PCDHA4: variants seen among roughly 807,000 people sequenced by gnomAD.
The protein encoded by PCDHA4 is protocadherin alpha 4.
Under a neutral mutation model 61.4 loss-of-function variants are expected in PCDHA4, and 49 were observed. That is an observed-to-expected ratio of 0.80 (90% CI 0.63 to 1.01). The LOEUF is 1.01. Ranked by LOEUF, PCDHA4 falls within the 50% of genes least tolerant of loss-of-function variation. PCDHA4 has a pLI of 0.00. For synonymous variants in PCDHA4, 590 were observed against 550.3 expected, an observed-to-expected ratio of 1.07 and a Z score of -1.01; for missense variants, 1,254 against 1,235.8, an observed-to-expected ratio of 1.01 and a Z score of -0.22.
intron 1 of PCDHA4, chr5:140,877,258 G>T (rs1206242754): frequency 1.9e-6 from 3 of 1,613,662 alleles, no homozygotes; most frequent in Non-Finnish European, 2.5e-6. Context: ...GAAAGTGCGC[G>T]CGGTGGACGC....
At chr5:140,884,128 C>A (rs1554181251) in intron 1 of PCDHA4, 1 of 1,613,308 alleles carries the variant, frequency 6.2e-7, no homozygotes, top group Non-Finnish European at 8.5e-7. Flanking sequence ...GCGCGCGCAT[C>A]CCGTTCCGCG....
At chr5:140,863,377 G>T (rs782482597) in intron 1 of PCDHA4, 6 of 1,100,624 alleles carry the variant, frequency 5.5e-6, no homozygotes, top group Non-Finnish European at 7.9e-6. Context: ...GCAGCTCACC[G>T]AGAGCTCGTG....
chr5:140,845,861 C>T (rs1050084373), intron 1 of PCDHA4, among the ~76,000 whole-genome samples: 4 of 149,638 alleles, frequency 2.7e-5, no homozygotes, highest in Middle Eastern at 3.5e-3. Context: ...TTAGTGATTG[C>T]AGAAAGGCAA....
intron 1 of PCDHA4, chr5:140,859,685 A>AT (rs1250609126): frequency 6.5e-6 from 1 of 154,692 alleles, no homozygotes; most frequent in Admixed American, 6.4e-5. Context: ...TAAAATTAAA[A>AT]TTATTGTTCA....
At chr5:140,918,007 G>C (rs1313004826) in intron 1 of PCDHA4, among the ~76,000 whole-genome samples, 1 of 151,954 alleles carries the variant, frequency 6.6e-6, no homozygotes, top group Non-Finnish European at 1.5e-5. Context: ...TAACAATGTT[G>C]TTTCTTCCTA....
chr5:140,904,150 C>A (rs1005130566), intron 1 of PCDHA4, among the ~76,000 whole-genome samples: 1 of 152,036 alleles, frequency 6.6e-6, no homozygotes, highest in African/African-American at 2.4e-5. Flanking sequence ...GTATACATTG[C>A]ACCCAGTTTG....
intron 1 of PCDHA4, among the ~76,000 whole-genome samples, chr5:140,900,150 C>T (rs265315): frequency 0.046 from 7,055 of 152,208 alleles, 291 homozygotes; most frequent in African/African-American, 0.11. Context: ...TAAGAACATA[C>T]GATATTTGTC....
chr5:140,869,499 G>A, intron 1 of PCDHA4: 8 of 1,614,196 alleles, frequency 5.0e-6, no homozygotes, highest in Non-Finnish European at 5.9e-6. Context: ...ACCCGCCGGT[G>A]TTCTCGCTCA....
intron 1 of PCDHA4, chr5:140,875,367 T>G: frequency 6.9e-7 from 1 of 1,449,166 alleles, no homozygotes; most frequent in Non-Finnish European, 9.1e-7. Flanking sequence ...CTGGAAAAAA[T>G]TTACTAAATA....
chr5:140,917,378 A>G (rs532934226), intron 1 of PCDHA4, among the ~76,000 whole-genome samples: 4 of 150,894 alleles, frequency 2.7e-5, no homozygotes, highest in South Asian at 2.1e-4. Context: ...CTCCACCTCA[A>G]TAGTCTGATG....
chr5:140,871,278 G>T (rs782014542), intron 1 of PCDHA4: 3 of 1,613,918 alleles, frequency 1.9e-6, no homozygotes, highest in East Asian at 4.5e-5. Flanking sequence ...GGTCGGCAAC[G>T]CCCACTGAGG....
At chr5:140,835,603 T>G (rs2150239266) in intron 1 of PCDHA4, 10 of 1,613,804 alleles carry the variant, frequency 6.2e-6, no homozygotes, top group Non-Finnish European at 1.7e-6. Context: ...TACTATTCAT[T>G]GGTGCTGGAC....
chr5:140,933,902 A>C (rs1285587221), intron 1 of PCDHA4, among the ~76,000 whole-genome samples: 2 of 151,892 alleles, frequency 1.3e-5, no homozygotes, highest in African/African-American at 2.4e-5. Flanking sequence ...ATATTTTGGC[A>C]TAAAGTTGTT....
intron 1 of PCDHA4, among the ~76,000 whole-genome samples, chr5:140,899,542 G>A (rs2067394532): frequency 6.6e-6 from 1 of 152,156 alleles, no homozygotes; most frequent in Non-Finnish European, 1.5e-5. Flanking sequence ...ACTTGATCAT[G>A]GTGGATAAGC....
At position 140,808,458 on chromosome 5, in the gene PCDHA4, T is replaced by G. The variant is rs1764176354; in HGVS notation, c.1271T>G (p.Val424Gly). Residue 424 changes from valine (V) to glycine (G), a missense_variant, in exon 1 of 4, where the codon GTG becomes GGG. Val to Gly is a moderately radical substitution (Grantham distance 109). Transcript: ENST00000530339. ...DRESVSAYEL[V>G]VTARDGGSPS... ...GAGAGCGTGTCAGCCTATGAGCTGGTGGTGACCGCGCGAGACGGGGGCTCG... is the reference window on the plus strand; with the variant it reads ...GAGAGCGTGTCAGCCTATGAGCTGGGGGTGACCGCGCGAGACGGGGGCTCG... 6.2e-7 allele frequency: 1 copy of G among 1,614,180 alleles called. No homozygotes were observed. Among genetic ancestry groups the G allele is most frequent in the East Asian group, 2.2e-5 (1 of 44,882 alleles).
chr5:140,835,829 G>A (rs2150246092), intron 1 of PCDHA4: 8 of 1,612,356 alleles, frequency 5.0e-6, no homozygotes, highest in African/African-American at 1.3e-5. Flanking sequence ...CGGGGGACGC[G>A]GACGCGCAGA....
At chr5:140,858,494 C>A (rs1451749220) in intron 1 of PCDHA4, 1 of 1,482,778 alleles carries the variant, frequency 6.7e-7, no homozygotes. Context: ...TTTCTCTTAC[C>A]GCATTTTCTC....
rs1554124190 is a variant in PCDHA4, at chr5:140,807,676, G to A, written c.489G>A (p.Gly163=). ...PLEGASDADI[G]ENALLTYRLS... ...AGGGCGCCTCGGATGCAGATATCGG[G>A]GAGAACGCCCTGCTCACTTACAGAC... Residue 163 remains glycine (G), a synonymous_variant, in exon 1 of 4, where the codon GGG becomes GGA. Transcript: ENST00000530339. 1.9e-6 allele frequency: 3 copies of A among 1,614,196 alleles called. No individual in the cohort carries two copies. The highest frequency in any genetic ancestry group is 4.5e-5 in the East Asian group (2 of 44,888).
At chr5:140,922,802 GA>G (rs1475670811) in intron 1 of PCDHA4, among the ~76,000 whole-genome samples, 1 of 152,162 alleles carries the variant, frequency 6.6e-6, no homozygotes, top group African/African-American at 2.4e-5. Flanking sequence ...TTGGAATACA[GA>G]AAAAGGAGAT....
Sources: allele counts gnomAD v4.1 joint callset (sites outside exome capture counted in the v4.1 genomes callset), GRCh38; gene constraint gnomAD v4.1.1; transcripts MANE v1.5; gene names NCBI Gene and HGNC (gene_info 2026-07-23, HGNC 2026-07-21).